The following CFAP47 variants were observed in gnomAD, a reference collection of about 807,000 sequenced individuals.
CFAP47 encodes cilia- and flagella-associated protein 47.
In CFAP47, 29 loss-of-function variants were observed where a neutral mutation model predicts 148.1. The observed-to-expected ratio is 0.20, with a 90% CI of 0.15 to 0.27. The LOEUF is 0.27. CFAP47 is among the 10% of genes least tolerant of loss of function. The probability of loss-of-function intolerance (pLI) is 1.00; values close to 1 mark genes in which losing one functional copy is unlikely to be tolerated. For missense variants in CFAP47, 1,872 were observed against 1,697.5 expected (o/e 1.10, Z -1.81); for synonymous variants, 664 against 577.3 (o/e 1.15, Z -2.15).
At position 36,027,550 on chromosome X, in the gene CFAP47, G is replaced by T. The variant is rs143177214; in HGVS notation, c.3557-3703G>T. Reference sequence around the variant, plus strand: ...TTTTATGGCTGAGTACTATTCCATGGTGTGCGTGTATGTGTGTGTGTGTGT... The same window carrying T: ...TTTTATGGCTGAGTACTATTCCATGTTGTGCGTGTATGTGTGTGTGTGTGT... On this transcript the variant is annotated intron_variant, in intron 22 of 63. Transcript: ENST00000378653. Among the ~76,000 whole-genome samples, 410 of 110,676 alleles carry T rather than the reference G, an allele frequency of 3.7e-3. 2 individuals carry two copies. The highest frequency in any genetic ancestry group is 6.2e-3 in the Non-Finnish European group (327 of 52,798).
chrX:36,257,763 C>G (rs1555999225), intron 49 of CFAP47, among the ~76,000 whole-genome samples: 2 of 111,845 alleles, frequency 1.8e-5, no homozygotes, highest in African/African-American at 6.5e-5. Context: ...TGTGCACTTA[C>G]AGTGGCAAGT....
At chrX:35,947,201 T>G (rs1936096203) in intron 3 of CFAP47, among the ~76,000 whole-genome samples, 2 of 110,983 alleles carry the variant, frequency 1.8e-5, no homozygotes, top group African/African-American at 6.6e-5. Flanking sequence ...CCCTAAAATA[T>G]CTTCAAACAG....
intron 57 of CFAP47, among the ~76,000 whole-genome samples, chrX:36,334,352 T>C (rs1556014500): frequency 8.9e-6 from 1 of 111,953 alleles, no homozygotes; most frequent in African/African-American, 3.2e-5. Context: ...TCTTTAGGTC[T>C]GTATATAATT....
At position 36,145,715 on chromosome X, in the gene CFAP47, G is replaced by A. The variant is rs906344567; in HGVS notation, c.5670+362G>A. Among the ~76,000 whole-genome samples the A allele has an allele frequency of 5.4e-5, 6 of 110,847 alleles. No homozygotes were observed. The East Asian group carries it at 1.7e-3, about 32-fold the overall frequency. On this transcript the variant is annotated intron_variant, in intron 36 of 63. Coordinates refer to ENST00000378653, the MANE Select transcript of CFAP47 (RefSeq NM_001304548.2). The stretch of plus-strand genomic sequence containing the variant: ...GTCTCTCTTAATATATGATTGGGAA[G>A]GAGGATAATTTTATATTTTTGATGC...
At chrX:36,077,239 G>A (rs1239261864) in intron 29 of CFAP47, among the ~76,000 whole-genome samples, 1 of 39,989 alleles carries the variant, frequency 2.5e-5, no homozygotes, top group African/African-American at 9.8e-5. Context: ...GGAGTCATTC[G>A]GTTATTTGGG....
At chrX:36,303,512 A>G in intron 53 of CFAP47, among the ~76,000 whole-genome samples, 1 of 109,057 alleles carries the variant, frequency 9.2e-6, no homozygotes, top group South Asian at 4.0e-4. Context: ...CTTGCCAGCA[A>G]CGTTTGGCTT....
chrX:36,112,304 T>C (rs1276491089), intron 33 of CFAP47, among the ~76,000 whole-genome samples: 3 of 110,071 alleles, frequency 2.7e-5, no homozygotes, highest in Non-Finnish European at 5.6e-5. Context: ...ATGTTGTATC[T>C]TTTTTCTCAT....
rs549389515 is a variant in CFAP47 at position 35,947,178 on chromosome X, A to G, written c.518-1136A>G. Reference sequence around the variant, plus strand: ...GTTACTAACTGTAGTAGTTATTGCTATATAACAAACCACCCTAAAATATCT... The same window carrying G: ...GTTACTAACTGTAGTAGTTATTGCTGTATAACAAACCACCCTAAAATATCT... On this transcript the variant is annotated intron_variant, in intron 3 of 63. Coordinates refer to ENST00000378653, the MANE Select transcript of CFAP47 (RefSeq NM_001304548.2). Among the ~76,000 whole-genome samples, 58 of 111,526 alleles carry G rather than the reference A, an allele frequency of 5.2e-4. No individual in the cohort carries two copies. In the South Asian group the frequency reaches 0.022, roughly 43 times the overall value.
Position 36,159,562 on chromosome X carries a change from G to A in CFAP47, c.5923G>A (p.Asp1975Asn). Residue 1975 changes from aspartate (D) to asparagine (N), a missense_variant, in exon 38 of 64, where the codon GAT becomes AAT. Coordinates refer to ENST00000378653, the MANE Select transcript of CFAP47 (RefSeq NM_001304548.2). Reference sequence around the variant, plus strand: ...TTTTGCTCTTAAAGGCAAAGTCCTCGATTTTAAAGCCATTGTAAGTAAATT... The same window carrying A: ...TTTTGCTCTTAAAGGCAAAGTCCTCAATTTTAAAGCCATTGTAAGTAAATT... ...MTFALKGKVL[D>N]FKAIDIIKCE... 6.8e-6 allele frequency: 2 copies of A among 295,758 alleles called. No individual in the cohort carries two copies. The highest frequency in any genetic ancestry group is 1.2e-5 in the Non-Finnish European group (2 of 169,851). 24.4% of individuals were successfully genotyped at this position (295,758 alleles called of 1,213,427 possible).
intron 48 of CFAP47, among the ~76,000 whole-genome samples, chrX:36,245,057 A>T (rs1355739024): frequency 1.8e-5 from 2 of 112,385 alleles, no homozygotes; most frequent in Admixed American, 9.4e-5. Context: ...GGTTCAACAT[A>T]CACAAATCAA....
intron 55 of CFAP47, among the ~76,000 whole-genome samples, chrX:36,307,455 A>C (rs1166850871): frequency 9.0e-6 from 1 of 111,169 alleles, no homozygotes; most frequent in Non-Finnish European, 1.9e-5. Context: ...TCAGGCAGCC[A>C]GTAAAAGGTT....
intron 62 of CFAP47, among the ~76,000 whole-genome samples, chrX:36,376,886 G>T (rs1347051659): frequency 9.4e-6 from 1 of 106,471 alleles, no homozygotes; most frequent in Admixed American, 1.0e-4. Flanking sequence ...CTGGTTTTCT[G>T]TCCTTCCAAT....
intron 21 of CFAP47, among the ~76,000 whole-genome samples, chrX:36,012,882 G>T (rs1195641077): frequency 9.0e-6 from 1 of 111,337 alleles, no homozygotes; most frequent in Non-Finnish European, 1.9e-5. Flanking sequence ...GTCTTGCACT[G>T]GGGAATGAAG....
intron 15 of CFAP47, among the ~76,000 whole-genome samples, chrX:35,984,978 T>C (rs1382738045): frequency 9.0e-6 from 1 of 111,639 alleles, no homozygotes; most frequent in African/African-American, 3.3e-5. Context: ...TTTTTGAGTT[T>C]AGGACCCGAA....
chrX:36,162,860 T>G (rs1301874855), intron 39 of CFAP47, among the ~76,000 whole-genome samples: 1 of 112,195 alleles, frequency 8.9e-6, no homozygotes, highest in Admixed American at 9.5e-5. Flanking sequence ...TAATATTTAA[T>G]AGTGTAATTG....
intron 45 of CFAP47, among the ~76,000 whole-genome samples, chrX:36,226,936 A>G (rs1203895862): frequency 9.0e-6 from 1 of 111,695 alleles, no homozygotes; most frequent in Non-Finnish European, 1.9e-5. Context: ...ATTCTTATAT[A>G]AATAAAATAA....
At chrX:36,081,349 T>C (rs764129056) in intron 29 of CFAP47, among the ~76,000 whole-genome samples, 9 of 110,945 alleles carry the variant, frequency 8.1e-5, no homozygotes, top group African/African-American at 2.9e-4. Context: ...ATTAAATAAG[T>C]AATAAAAAAC....
Position 36,048,507 on chromosome X carries a change from G to C in CFAP47, c.4217+1444G>C, listed in dbSNP as rs1002130232. Among the ~76,000 whole-genome samples, 5 of 111,417 alleles carry C rather than the reference G, an allele frequency of 4.5e-5. No homozygotes were observed. In the East Asian group the frequency reaches 8.5e-4, roughly 19 times the overall value. ...GCTTCTCTTGGGGGCCAACATGCTTGGCTTTTAATTTTGTTTTCTTTAGAT... is the reference window on the plus strand; with the variant it reads ...GCTTCTCTTGGGGGCCAACATGCTTCGCTTTTAATTTTGTTTTCTTTAGAT... On this transcript the variant is annotated intron_variant, in intron 26 of 63. Coordinates refer to ENST00000378653, the MANE Select transcript of CFAP47 (RefSeq NM_001304548.2).
In CFAP47 at chrX:35,951,279, C is replaced by T. The variant is rs746299324; in HGVS notation, c.805C>T (p.His269Tyr). ...TTTCTTCGGATCATCAAAAATTAAA[C>T]ATGCACGTGTATACAATAATAGCCC... is the stretch of plus-strand genomic sequence containing the variant. ...PVFFGSSKIK[H>Y]ARVYNNSPEP... is the part of the protein sequence containing the mutation. The change falls in exon 5 of 64, where the codon CAT (histidine) becomes TAT (tyrosine). Residue 269 changes from histidine to tyrosine, a missense_variant. Coordinates refer to ENST00000378653, the MANE Select transcript of CFAP47 (RefSeq NM_001304548.2). 27 of 1,208,284 alleles carry T rather than the reference C, an allele frequency of 2.2e-5. No homozygotes were observed. The highest frequency in any genetic ancestry group is 2.8e-5 in the Non-Finnish European group (25 of 894,393).
Sources: allele counts gnomAD v4.1 joint callset (sites outside exome capture counted in the v4.1 genomes callset), GRCh38; gene constraint gnomAD v4.1.1; transcripts MANE v1.5; gene names NCBI Gene and HGNC (gene_info 2026-07-23, HGNC 2026-07-21).